The following TENM3 variants were observed in gnomAD, a reference collection of about 807,000 sequenced individuals.
The protein encoded by TENM3 is teneurin-3.
Under a neutral mutation model 255.1 loss-of-function variants are expected in TENM3, and 63 were observed. That is an observed-to-expected ratio of 0.25 (90% CI 0.20 to 0.30). TENM3 has a LOEUF of 0.30. Among genes scored for constraint, TENM3 ranks in the 10% least tolerant of loss-of-function variants. The pLI, the probability that TENM3 is intolerant of heterozygous loss-of-function variation, is 1.00. For synonymous variants in TENM3, 1,306 were observed against 1,322.3 expected (o/e 0.99, Z 0.27); for missense variants, 2,929 against 3,461.1 (o/e 0.85, Z 3.86).
chr4:181,605,553 A>AG, the TENM3 span, among the ~76,000 whole-genome samples: 3 of 27,644 alleles, frequency 1.1e-4, no homozygotes, highest in African/African-American at 2.3e-4. Flanking sequence ...AAAGAAAGAA[A>AG]GAAAGAAAGA....
intron 1 of TENM3, among the ~76,000 whole-genome samples, chr4:182,301,234 G>C (rs973994767): frequency 2.0e-5 from 3 of 152,070 alleles, no homozygotes; most frequent in South Asian, 2.1e-4. Flanking sequence ...AGCTTACACT[G>C]TTCCATCACC....
the TENM3 span, among the ~76,000 whole-genome samples, chr4:181,516,197 G>C: frequency 1.3e-5 from 2 of 152,064 alleles, no homozygotes; most frequent in African/African-American, 4.8e-5. Flanking sequence ...ACACACTGTG[G>C]CCTGTTGGGG....
the TENM3 span, among the ~76,000 whole-genome samples, chr4:181,921,008 T>G: frequency 6.6e-6 from 1 of 152,214 alleles, no homozygotes; most frequent in Admixed American, 6.5e-5. Flanking sequence ...CCCCATTGCT[T>G]ATTTTTCTCA....
At chr4:182,764,770 G>A (rs867241971) in intron 22 of TENM3, among the ~76,000 whole-genome samples, 1 of 152,170 alleles carries the variant, frequency 6.6e-6, no homozygotes, top group Non-Finnish European at 1.5e-5. Context: ...GCTACGTGAA[G>A]AGCTGGACTG....
At chr4:182,217,602 G>T (rs541384621) in intron 1 of TENM3, among the ~76,000 whole-genome samples, 2 of 152,080 alleles carry the variant, frequency 1.3e-5, no homozygotes, top group East Asian at 1.9e-4. Context: ...TGTGAGATGG[G>T]TAACATTATA....
chr4:181,596,975 T>C, the TENM3 span, among the ~76,000 whole-genome samples: 1 of 152,160 alleles, frequency 6.6e-6, no homozygotes, highest in Non-Finnish European at 1.5e-5. Context: ...GAAAAATAAC[T>C]ATTTGGTAGT....
intron 3 of TENM3, among the ~76,000 whole-genome samples, chr4:182,429,085 GAT>G (rs1444966873): frequency 6.6e-6 from 1 of 152,156 alleles, no homozygotes; most frequent in Non-Finnish European, 1.5e-5. Flanking sequence ...TTTTGTGGGT[GAT>G]ATGTATTTGA....
the TENM3 span, among the ~76,000 whole-genome samples, chr4:181,991,335 G>A: frequency 6.6e-6 from 1 of 152,058 alleles, no homozygotes; most frequent in African/African-American, 2.4e-5. Context: ...TAGCGCTCAG[G>A]TTCAATATGG....
the TENM3 span, among the ~76,000 whole-genome samples, chr4:181,887,478 G>T: frequency 9.2e-5 from 14 of 151,656 alleles, no homozygotes; most frequent in African/African-American, 3.1e-4. Context: ...CTTTTTTTCC[G>T]TTTAGTTCTC....
At chr4:182,470,474 A>G (rs73872405) in intron 3 of TENM3, among the ~76,000 whole-genome samples, 3 of 152,210 alleles carry the variant, frequency 2.0e-5, no homozygotes, top group Non-Finnish European at 2.9e-5. Context: ...CTGGACTTCA[A>G]CCTGACCACT....
intron 1 of TENM3, among the ~76,000 whole-genome samples, chr4:182,272,553 G>C (rs1444520495): frequency 1.3e-5 from 2 of 152,196 alleles, no homozygotes. Context: ...ACTTTGTCAA[G>C]CTTAGGCCAC....
the TENM3 span, among the ~76,000 whole-genome samples, chr4:181,774,163 C>T: frequency 1.2e-5 from 1 of 85,208 alleles, no homozygotes; most frequent in Admixed American, 1.2e-4. Flanking sequence ...CTATCCCTCC[C>T]CCCTCCCCCG....
chr4:181,692,445 C>A, the TENM3 span, among the ~76,000 whole-genome samples: 1 of 152,144 alleles, frequency 6.6e-6, no homozygotes, highest in African/African-American at 2.4e-5. Context: ...ATTACCAGTT[C>A]AAAGTTCTAA....
chr4:181,451,829 A>T, the TENM3 span, among the ~76,000 whole-genome samples: 3 of 152,226 alleles, frequency 2.0e-5, no homozygotes, highest in Non-Finnish European at 2.9e-5. Context: ...TGGGCCAAAG[A>T]TCTTAATTTA....
At chr4:182,481,909 TG>T (rs1256757130) in intron 3 of TENM3, among the ~76,000 whole-genome samples, 1 of 152,260 alleles carries the variant, frequency 6.6e-6, no homozygotes, top group Non-Finnish European at 1.5e-5. Context: ...ATATTTTCTT[TG>T]TTACTTTCTT....
At chr4:182,396,267 A>G (rs1411951175) in intron 3 of TENM3, among the ~76,000 whole-genome samples, 1 of 152,182 alleles carries the variant, frequency 6.6e-6, no homozygotes, top group Non-Finnish European at 1.5e-5. Flanking sequence ...GTCTAAATAC[A>G]GTTTTACTAT....
chr4:182,248,112 T>C (rs190284094), intron 1 of TENM3, among the ~76,000 whole-genome samples: 3 of 152,304 alleles, frequency 2.0e-5, no homozygotes, highest in Admixed American at 2.0e-4. Flanking sequence ...ATATATGAAA[T>C]ACATTTCATT....
At chr4:182,066,348 G>C in the TENM3 span, among the ~76,000 whole-genome samples, 1 of 151,978 alleles carries the variant, frequency 6.6e-6, no homozygotes, top group Non-Finnish European at 1.5e-5. Context: ...AATGTACTTA[G>C]CATACTGCAA....
At chr4:181,859,818 CTT>C in the TENM3 span, among the ~76,000 whole-genome samples, 4 of 152,080 alleles carry the variant, frequency 2.6e-5, no homozygotes, top group Non-Finnish European at 5.9e-5. Flanking sequence ...ATCTGAATAA[CTT>C]AACTAATTTA....
Sources: allele counts gnomAD v4.1 joint callset (sites outside exome capture counted in the v4.1 genomes callset), GRCh38; gene constraint gnomAD v4.1.1; transcripts MANE v1.5; gene names NCBI Gene and HGNC (gene_info 2026-07-23, HGNC 2026-07-21).